Variants in RFTN1 observed in about 807,000 individuals in gnomAD.
RFTN1 encodes the protein raftlin.
In RFTN1, 26 loss-of-function variants were observed where a neutral mutation model predicts 46.5. That is an observed-to-expected ratio of 0.56 (90% CI 0.41 to 0.78). The LOEUF is 0.78. Ranked by LOEUF, RFTN1 falls within the 30% of genes least tolerant of loss-of-function variation. The pLI is 0.00. For missense variants in RFTN1, 693 were observed against 718.7 expected, an observed-to-expected ratio of 0.96 and a Z score of 0.41; for synonymous variants, 261 against 284.2, an observed-to-expected ratio of 0.92 and a Z score of 0.82.
chr3:16,511,944 T>G (rs1418788165), intron 1 of RFTN1, among the ~76,000 whole-genome samples: 2 of 152,044 alleles, frequency 1.3e-5, no homozygotes, highest in Admixed American at 6.6e-5. Flanking sequence ...GATATACAAA[T>G]GCAGCCAGAG....
In RFTN1 at chr3:16,512,040, G is replaced by T. The variant is rs1403979229; in HGVS notation, c.-9+1402C>A. 2.6e-5 allele frequency among the ~76,000 whole-genome samples: 4 copies of T among 152,154 alleles called. No individual in the cohort carries two copies. The highest frequency in any genetic ancestry group is 5.9e-5 in the Non-Finnish European group (4 of 68,020). ...CAAAAGAGGATGCAGAGCTCAGTCT[G>T]AGGTTAGAGTGATTTCACTGAGGTT... On this transcript the variant is annotated intron_variant, in intron 1 of 9. Coordinates refer to ENST00000334133, the MANE Select transcript of RFTN1 (RefSeq NM_015150.2). This position sits in a 1 kb window ranked among gnomAD's most constrained non-coding sequence, Gnocchi z 4.3.
At chr3:16,408,723 T>G (rs1417753467) in intron 4 of RFTN1, among the ~76,000 whole-genome samples, 3 of 148,486 alleles carry the variant, frequency 2.0e-5, no homozygotes, top group African/African-American at 4.9e-5. Flanking sequence ...ATTGGCTGAT[T>G]GGACCTCAAA....
Position 16,345,768 on chromosome 3 carries a change from C to G in RFTN1, c.1146+12164G>C, listed in dbSNP as rs540751438. ...CCTCAGCCTCCATAATCACATGAGC[C>G]AAAACCTTATAATAAATCTCTGTGT... is the stretch of plus-strand genomic sequence containing the variant. On this transcript the variant is annotated intron_variant, in intron 7 of 9. Transcript: ENST00000334133. The surrounding 1 kb of genome is among the most constrained non-coding windows in gnomAD (Gnocchi z 5.2). Among the ~76,000 whole-genome samples, 4 of 147,970 alleles carry G rather than the reference C, an allele frequency of 2.7e-5. No individual in the cohort carries two copies. Among genetic ancestry groups the G allele is most frequent in the African/African-American group, 1.0e-4 (4 of 40,064 alleles).
At chr3:16,492,283 C>T (rs565738488) in intron 2 of RFTN1, among the ~76,000 whole-genome samples, 113 of 152,236 alleles carry the variant, frequency 7.4e-4, no homozygotes, top group African/African-American at 1.8e-3. Context: ...TTGGAGCCTC[C>T]GCACGGAGAC....
intron 6 of RFTN1, among the ~76,000 whole-genome samples, chr3:16,358,609 T>G (rs2072620469): frequency 6.6e-6 from 1 of 152,122 alleles, no homozygotes; most frequent in Non-Finnish European, 1.5e-5. Flanking sequence ...CCAAATAATT[T>G]ACCACTGGAA....
At chr3:16,388,426 A>G (rs1020597300) in intron 4 of RFTN1, among the ~76,000 whole-genome samples, 6 of 152,276 alleles carry the variant, frequency 3.9e-5, no homozygotes, top group Non-Finnish European at 7.3e-5. Flanking sequence ...GGAAACATCT[A>G]TGAGTCTACA....
intron 2 of RFTN1, among the ~76,000 whole-genome samples, chr3:16,463,847 G>A (rs1417659721): frequency 6.6e-6 from 1 of 152,052 alleles, no homozygotes; most frequent in Non-Finnish European, 1.5e-5. Flanking sequence ...AATAGAGTTG[G>A]GGATGGGGGT....
At chr3:16,409,635 A>C (rs1279624096) in intron 3 of RFTN1, 152 bp from the exon 4 acceptor site, 2 of 536,592 alleles carry the variant, frequency 3.7e-6, no homozygotes, top group Admixed American at 2.6e-5. Flanking sequence ...GTCCTGCCTC[A>C]GCCTCCCGAA....
At chr3:16,444,969 A>G (rs1332876680) in intron 2 of RFTN1, among the ~76,000 whole-genome samples, 1 of 152,178 alleles carries the variant, frequency 6.6e-6, no homozygotes, top group Non-Finnish European at 1.5e-5. Context: ...CTTTATCGAG[A>G]AGTTTGGTAA....
intron 2 of RFTN1, among the ~76,000 whole-genome samples, chr3:16,441,001 C>T (rs2125511044): frequency 6.6e-6 from 1 of 152,282 alleles, no homozygotes; most frequent in African/African-American, 2.4e-5. Flanking sequence ...GCTTCAAGGA[C>T]ACATCTGCAG....
At chr3:16,326,616 A>T (rs879713027) in intron 8 of RFTN1, among the ~76,000 whole-genome samples, 157 bp downstream of exon 8, 1 of 152,144 alleles carries the variant, frequency 6.6e-6, no homozygotes, top group African/African-American at 2.4e-5. Context: ...TAAGAATGTG[A>T]AATTCTGGCT....
rs542492514 is a variant in RFTN1 at position 16,353,557 on chromosome 3, A to G, written c.1146+4375T>C. ...AATGAAAATTCTTGGGCCCCATCTCAGAGCCACCGTTAAAGACTAAATGTT... is the reference window on the plus strand; with the variant it reads ...AATGAAAATTCTTGGGCCCCATCTCGGAGCCACCGTTAAAGACTAAATGTT... On this transcript the variant is annotated intron_variant, in intron 7 of 9. Transcript: ENST00000334133. This position sits in a 1 kb window ranked among gnomAD's most constrained non-coding sequence, Gnocchi z 5.4. Among the ~76,000 whole-genome samples, 4 of 152,374 alleles carry G rather than the reference A, an allele frequency of 2.6e-5. No individual in the cohort carries two copies. In the East Asian group the frequency reaches 7.7e-4, roughly 29 times the overall value.
chr3:16,460,021 T>C lies in RFTN1; in HGVS notation c.146-25984A>G, dbSNP rs1359835678. The stretch of plus-strand genomic sequence containing the variant: ...CATATGATTGACTTATTTCAATGCT[T>C]TGAGTGGGCATAGCTTTATTCTAAA... On this transcript the variant is annotated intron_variant, in intron 2 of 9. Transcript: ENST00000334133. The surrounding 1 kb of genome is among the most constrained non-coding windows in gnomAD (Gnocchi z 4.8). Among the ~76,000 whole-genome samples, 1 of 152,228 alleles carries C rather than the reference T, an allele frequency of 6.6e-6. No homozygotes were observed. The highest frequency in any genetic ancestry group is 1.5e-5 in the Non-Finnish European group (1 of 68,030).
rs1366375498 is a variant in RFTN1 at position 16,459,464 on chromosome 3, C to T, written c.146-25427G>A. Among the ~76,000 whole-genome samples, 3 of 152,148 alleles carry T rather than the reference C, an allele frequency of 2.0e-5. No homozygotes were observed. The highest frequency in any genetic ancestry group is 4.8e-5 in the African/African-American group (2 of 41,432). Reference sequence around the variant, plus strand: ...TTTAAAAATGAGCCAGGAATAGCAGCGTGTGCCTTTATCCCAGCTACTTGG... The same window carrying T: ...TTTAAAAATGAGCCAGGAATAGCAGTGTGTGCCTTTATCCCAGCTACTTGG... On this transcript the variant is annotated intron_variant, in intron 2 of 9. Coordinates refer to ENST00000334133, the MANE Select transcript of RFTN1 (RefSeq NM_015150.2). This position sits in a 1 kb window ranked among gnomAD's most constrained non-coding sequence, Gnocchi z 4.2.
rs533540366 is a variant in RFTN1, at chr3:16,422,905, G to T, written c.332+10946C>A. Among the ~76,000 whole-genome samples the T allele has an allele frequency of 6.6e-6, 1 of 152,140 alleles. No individual in the cohort carries two copies. The highest frequency in any genetic ancestry group is 1.5e-5 in the Non-Finnish European group (1 of 67,988). ...CTCCTGGCTGGGTGCAGTGGCTCAC[G>T]CCTGTAATCCCAGCACTTTGGGAGG... On this transcript the variant is annotated intron_variant, in intron 3 of 9. Transcript: ENST00000334133. This position sits in a 1 kb window ranked among gnomAD's most constrained non-coding sequence, Gnocchi z 4.6.
In RFTN1 at chr3:16,410,113, T is replaced by C. The variant is rs186425771; in HGVS notation, c.333-630A>G. Among the ~76,000 whole-genome samples, 5 of 151,930 alleles carry C rather than the reference T, an allele frequency of 3.3e-5. No homozygotes were observed. The East Asian group carries it at 9.7e-4, about 29-fold the overall frequency. On this transcript the variant is annotated intron_variant, in intron 3 of 9. Coordinates refer to ENST00000334133, the MANE Select transcript of RFTN1 (RefSeq NM_015150.2). The surrounding 1 kb of genome is among the most constrained non-coding windows in gnomAD (Gnocchi z 4.6). ...GTTTATGGAAACTACTCAAGTAATA[T>C]ATACATATCCACATCATAGTAAGAC... is the stretch of plus-strand genomic sequence containing the variant.
intron 8 of RFTN1, among the ~76,000 whole-genome samples, chr3:16,324,723 G>C (rs1418724129): frequency 7.7e-6 from 1 of 129,710 alleles, no homozygotes; most frequent in African/African-American, 3.0e-5. Flanking sequence ...TCATCCATCT[G>C]ATGAGGGACA....
chr3:16,438,444 G>A (rs943757842), intron 2 of RFTN1, among the ~76,000 whole-genome samples: 6 of 151,654 alleles, frequency 4.0e-5, no homozygotes, highest in East Asian at 1.9e-4. Flanking sequence ...AATTAGCTGC[G>A]CATGTTGGCG....
At position 16,459,428 on chromosome 3, in the gene RFTN1, T is replaced by C. The variant is rs928633547; in HGVS notation, c.146-25391A>G. ...TTTGGGAGGCTGAAGCGGGAGTCTC[T>C]ACTTTAAAAATTTAAAAATGAGCCA... On this transcript the variant is annotated intron_variant, in intron 2 of 9. Coordinates refer to ENST00000334133, the MANE Select transcript of RFTN1 (RefSeq NM_015150.2). The surrounding 1 kb of genome is among the most constrained non-coding windows in gnomAD (Gnocchi z 4.2). 2.6e-5 allele frequency among the ~76,000 whole-genome samples: 4 copies of C among 152,124 alleles called. No individual in the cohort carries two copies. Among genetic ancestry groups the C allele is most frequent in the African/African-American group, 9.7e-5 (4 of 41,414 alleles).
Sources: gnomAD v4.1 joint callset for allele counts (sites outside exome capture counted in the v4.1 genomes callset) on GRCh38, gnomAD v4.1.1 for gene constraint, Gnocchi (gnomAD v3.1) non-coding constraint, MANE v1.5 for transcripts, NCBI Gene and HGNC (gene_info 2026-07-23, HGNC 2026-07-21) for gene names.